The following CUX1 variants were observed in gnomAD, a reference collection of about 807,000 sequenced individuals.
CUX1 encodes the protein cut like homeobox 1.
CUX1 carries 31 observed loss-of-function variants against 158.8 expected under a neutral mutation model. The ratio of observed to expected loss-of-function variants is 0.20; its 90% CI spans 0.15 to 0.26. The LOEUF is 0.26. Ranked by LOEUF, CUX1 falls within the 10% of genes least tolerant of loss-of-function variation. CUX1 has a pLI of 1.00. For synonymous variants in CUX1, 879 were observed against 862.1 expected (o/e 1.02, Z -0.34); for missense variants, 1,589 against 2,014.6 (o/e 0.79, Z 4.04).
At chr7:102,052,926 GC>G (rs1484429016) in intron 3 of CUX1, among the ~76,000 whole-genome samples, 1 of 152,080 alleles carries the variant, frequency 6.6e-6, no homozygotes, top group African/African-American at 2.4e-5. Context: ...TCCTGCCTCG[GC>G]CTCCTGAGTA....
intron 4 of CUX1, among the ~76,000 whole-genome samples, chr7:102,082,126 A>T (rs1336403690): frequency 6.8e-6 from 1 of 146,918 alleles, no homozygotes; most frequent in African/African-American, 2.4e-5. Flanking sequence ...AGTCTCTGTC[A>T]CCTCACTGCA....
intron 1 of CUX1, among the ~76,000 whole-genome samples, chr7:101,905,163 T>G (rs1802616090): frequency 6.6e-6 from 1 of 152,134 alleles, no homozygotes; most frequent in African/African-American, 2.4e-5. Context: ...AGCCAGACAT[T>G]GTCTCGTATA....
In CUX1 at chr7:102,178,513, G is replaced by A; in HGVS notation, c.873G>A (p.Glu291=). ...EVLTRSSLEV[E]LAAKEREIAQ... ...TGACCCGCTCCAGCCTAGAAGTTGA[G>A]TTGGCCGCCAAGGAGCGGGAGATCG... Residue 291 remains glutamate (E), a synonymous_variant, in exon 11 of 24, where the codon GAG becomes GAA. Transcript: ENST00000292535. The A allele has an allele frequency of 6.2e-7, 1 of 1,612,908 alleles. No homozygotes were observed.
At chr7:102,203,935 C>T (rs1408080716) in intron 18 of CUX1, among the ~76,000 whole-genome samples, 2 of 152,216 alleles carry the variant, frequency 1.3e-5, no homozygotes, top group Admixed American at 6.5e-5. Context: ...CCTGGCTCAG[C>T]GTTTGCAGAG....
chr7:102,113,820 T>G (rs1274051588), intron 7 of CUX1, among the ~76,000 whole-genome samples: 11 of 152,118 alleles, frequency 7.2e-5, no homozygotes, highest in Admixed American at 7.2e-4. Flanking sequence ...CCCACCTCAG[T>G]GTCCCAAAAT....
chr7:101,986,004 C>T (rs1464586077), intron 2 of CUX1, among the ~76,000 whole-genome samples: 1 of 152,168 alleles, frequency 6.6e-6, no homozygotes, highest in East Asian at 1.9e-4. Context: ...GTTTTGTTGG[C>T]CTTTGAGACC....
intron 14 of CUX1, among the ~76,000 whole-genome samples, chr7:102,264,004 CTTT>C (rs60225596): frequency 3.9e-4 from 39 of 100,942 alleles, no homozygotes; most frequent in South Asian, 7.2e-4. Context: ...AAGTTAACTT[CTTT>C]TTTTTTTTTT....
intron 8 of CUX1, among the ~76,000 whole-genome samples, chr7:102,129,667 G>T (rs536256610): frequency 1.8e-4 from 27 of 152,284 alleles, no homozygotes; most frequent in African/African-American, 5.1e-4. Flanking sequence ...CTGGGAAACA[G>T]AGTGAGGCTC....
intron 8 of CUX1, 149 bp downstream of exon 8, chr7:102,115,422 C>T (rs1242574554): frequency 4.6e-5 from 27 of 592,392 alleles, no homozygotes; most frequent in African/African-American, 3.1e-4. Context: ...GTTCAATGCA[C>T]GTTCTAGCAC....
At chr7:102,245,486 C>T (rs528598554) in intron 23 of CUX1, among the ~76,000 whole-genome samples, 9 of 152,320 alleles carry the variant, frequency 5.9e-5, no homozygotes, top group Non-Finnish European at 8.8e-5. Flanking sequence ...CCATGCCTAA[C>T]GGTGTCCGCT....
downstream of CUX1, among the ~76,000 whole-genome samples, chr7:102,261,955 G>A (rs1349313104): frequency 1.3e-5 from 2 of 152,062 alleles, no homozygotes; most frequent in Admixed American, 6.6e-5. Context: ...CCATCTCTAC[G>A]AAAATGTTTA....
At chr7:102,246,646 T>C (rs1476735464) in intron 23 of CUX1, among the ~76,000 whole-genome samples, 1 of 151,996 alleles carries the variant, frequency 6.6e-6, no homozygotes, top group Non-Finnish European at 1.5e-5. Flanking sequence ...CTTGGCTCAC[T>C]GTAACCTCCA....
At chr7:101,840,456 C>T (rs565263154) in intron 1 of CUX1, among the ~76,000 whole-genome samples, 3 of 152,316 alleles carry the variant, frequency 2.0e-5, no homozygotes, top group African/African-American at 7.2e-5. Context: ...GCGTTATCCT[C>T]TTGCAAATAC....
chr7:101,859,942 T>C (rs1395130735), intron 1 of CUX1, among the ~76,000 whole-genome samples: 1 of 151,752 alleles, frequency 6.6e-6, no homozygotes, highest in Non-Finnish European at 1.5e-5. Flanking sequence ...TGCTCCTTCC[T>C]TCCTTCCTTT....
intron 10 of CUX1, among the ~76,000 whole-genome samples, chr7:102,171,551 G>T (rs1184414225): frequency 6.6e-6 from 1 of 151,460 alleles, no homozygotes; most frequent in African/African-American, 2.4e-5. Flanking sequence ...AGGCTCAAGG[G>T]ATCCTCCCAG....
At chr7:102,143,543 G>T (rs1438190426) in intron 8 of CUX1, among the ~76,000 whole-genome samples, 1 of 152,188 alleles carries the variant, frequency 6.6e-6, no homozygotes, top group Admixed American at 6.5e-5. Flanking sequence ...AAAGTGCTGG[G>T]ATTACAGGTG....
chr7:101,970,358 G>GC (rs1190273724), intron 2 of CUX1, among the ~76,000 whole-genome samples: 1 of 151,968 alleles, frequency 6.6e-6, no homozygotes, highest in Non-Finnish European at 1.5e-5. Flanking sequence ...CCTTAGCTTG[G>GC]CCCGGGGGTG....
At chr7:101,893,610 A>G (rs1801144690) in intron 1 of CUX1, among the ~76,000 whole-genome samples, 1 of 152,174 alleles carries the variant, frequency 6.6e-6, no homozygotes, top group Non-Finnish European at 1.5e-5. Flanking sequence ...AGAGAAGTGG[A>G]CAGACCCAGT....
chr7:102,112,147 A>G (rs1250667766), intron 7 of CUX1: 1 of 164,744 alleles, frequency 6.1e-6, no homozygotes, highest in Non-Finnish European at 1.3e-5. Context: ...AGTGAAGTTA[A>G]GGAGAACAGT....
Sources: gnomAD v4.1 joint callset for allele counts (sites outside exome capture counted in the v4.1 genomes callset) on GRCh38, gnomAD v4.1.1 for gene constraint, MANE v1.5 for transcripts, NCBI Gene and HGNC (gene_info 2026-07-23, HGNC 2026-07-21) for gene names.